Variants in IQSEC3 observed in about 807,000 individuals in gnomAD.
The protein encoded by IQSEC3 is IQ motif and Sec7 domain ArfGEF 3, also known as IQ motif and SEC7 domain-containing protein 3.
In IQSEC3, 50 loss-of-function variants were observed where a neutral mutation model predicts 105.4. The observed-to-expected ratio is 0.47, with a 90% CI of 0.38 to 0.60. IQSEC3 has a LOEUF of 0.60. Ranked by LOEUF, IQSEC3 falls within the 20% of genes least tolerant of loss-of-function variation. IQSEC3 has a pLI of 0.00. For missense variants in IQSEC3, 1,415 were observed against 1,630.0 expected (o/e 0.87, Z 2.27); for synonymous variants, 708 against 746.0 (o/e 0.95, Z 0.83).
chr12:165,624 A>T, intron 10 of IQSEC3, 91 bp downstream of exon 10: 3 of 1,567,748 alleles, frequency 1.9e-6, no homozygotes, highest in Non-Finnish European at 2.6e-6. Context: ...TGGACAGCAG[A>T]GTGGGTGGAG....
chr12:155,319 A>G (rs1329311631), intron 5 of IQSEC3, among the ~76,000 whole-genome samples: 1 of 152,052 alleles, frequency 6.6e-6, no homozygotes, highest in Non-Finnish European at 1.5e-5. Flanking sequence ...CCCCAGCCCC[A>G]CCCTCACCTG....
At chr12:125,000 G>A (rs1865337751) in intron 2 of IQSEC3, among the ~76,000 whole-genome samples, 2 of 152,070 alleles carry the variant, frequency 1.3e-5, no homozygotes, top group African/African-American at 4.8e-5. Flanking sequence ...CCCCACACCT[G>A]GAGTCCACCC....
chr12:84,349 G>A (rs782486416), intron 1 of IQSEC3, among the ~76,000 whole-genome samples: 5 of 152,222 alleles, frequency 3.3e-5, no homozygotes, highest in Non-Finnish European at 7.3e-5. Flanking sequence ...ACATCCCTGC[G>A]TGGCCCATAT....
At chr12:97,585 C>T (rs987855642) in intron 1 of IQSEC3, among the ~76,000 whole-genome samples, 113 of 152,190 alleles carry the variant, frequency 7.4e-4, no homozygotes, top group African/African-American at 2.4e-3. Flanking sequence ...GAGGCCAAGA[C>T]GGGAGGATTG....
chr12:126,906 T>A (rs542183651), intron 3 of IQSEC3, among the ~76,000 whole-genome samples: 1 of 152,220 alleles, frequency 6.6e-6, no homozygotes, highest in Non-Finnish European at 1.5e-5. Context: ...TTGGCATTGA[T>A]GCCAAGCTCA....
chr12:92,747 T>C (rs1356299515), intron 1 of IQSEC3, among the ~76,000 whole-genome samples: 4 of 152,316 alleles, frequency 2.6e-5, no homozygotes, highest in East Asian at 1.9e-4. Flanking sequence ...GCAGAGATGC[T>C]GCATGCCACC....
chr12:94,727 C>T (rs562263340), intron 1 of IQSEC3, among the ~76,000 whole-genome samples: 3 of 152,330 alleles, frequency 2.0e-5, no homozygotes, highest in Non-Finnish European at 2.9e-5. Context: ...TCTGGACAGA[C>T]GAGTGGCTCC....
intron 1 of IQSEC3, among the ~76,000 whole-genome samples, chr12:77,202 G>T (rs1291536436): frequency 2.0e-5 from 3 of 152,384 alleles, no homozygotes; most frequent in African/African-American, 7.2e-5. Flanking sequence ...CGCATGGTAA[G>T]AACCCATCAG....
At chr12:93,933 C>T (rs1269655795) in intron 1 of IQSEC3, among the ~76,000 whole-genome samples, 1 of 152,196 alleles carries the variant, frequency 6.6e-6, no homozygotes, top group African/African-American at 2.4e-5. Context: ...CTTCCCCTTC[C>T]ACTATGAATG....
intron 3 of IQSEC3, among the ~76,000 whole-genome samples, chr12:128,856 C>T (rs1489988414): frequency 2.0e-5 from 3 of 152,164 alleles, no homozygotes; most frequent in Non-Finnish European, 2.9e-5. Flanking sequence ...CGCTGATCCT[C>T]GGGAAAGCCT....
chr12:149,764 G>T (rs961859190), intron 5 of IQSEC3, among the ~76,000 whole-genome samples: 1 of 152,176 alleles, frequency 6.6e-6, no homozygotes, highest in Non-Finnish European at 1.5e-5. Context: ...GAGCTAAACA[G>T]AGACCTGCAG....
intron 10 of IQSEC3, 96 bp downstream of exon 10, chr12:165,629 G>C (rs1867133678): frequency 6.4e-7 from 1 of 1,568,600 alleles, no homozygotes; most frequent in Non-Finnish European, 8.8e-7. Flanking sequence ...AGCAGAGTGG[G>C]TGGAGGCATG....
intron 9 of IQSEC3, among the ~76,000 whole-genome samples, chr12:164,053 C>T (rs1354976132): frequency 2.6e-5 from 4 of 152,204 alleles, no homozygotes; most frequent in Non-Finnish European, 5.9e-5. Context: ...CACACATACA[C>T]ACATCTGTAC....
At chr12:165,961 A>T (rs1867156122) in intron 11 of IQSEC3, 71 bp downstream of exon 11, 1 of 1,548,410 alleles carries the variant, frequency 6.5e-7, no homozygotes, top group African/African-American at 1.4e-5. Flanking sequence ...AGCTTGAGAC[A>T]GACATGCCTG....
intron 7 of IQSEC3, among the ~76,000 whole-genome samples, chr12:161,572 G>A (rs545239079): frequency 2.5e-4 from 38 of 152,242 alleles, no homozygotes; most frequent in South Asian, 6.2e-4. Context: ...GGGGTGAGAC[G>A]AACACAAGGA....
chr12:151,548 C>G (rs2137029985), intron 5 of IQSEC3, among the ~76,000 whole-genome samples: 1 of 152,324 alleles, frequency 6.6e-6, no homozygotes, highest in African/African-American at 2.4e-5. Flanking sequence ...GTCTTCTTCC[C>G]TGCCCCTCTG....
chr12:113,027 C>T (rs1236148438), intron 2 of IQSEC3, among the ~76,000 whole-genome samples: 6 of 152,154 alleles, frequency 3.9e-5, no homozygotes, highest in East Asian at 3.8e-4. Context: ...TCCCTCTTCT[C>T]CATTCGTCTT....
chr12:122,548 G>A (rs146730547), intron 2 of IQSEC3, among the ~76,000 whole-genome samples: 1 of 152,234 alleles, frequency 6.6e-6, no homozygotes, highest in Admixed American at 6.5e-5. Flanking sequence ...CCCAGGAAAG[G>A]GCTGTAGAGG....
At chr12:122,288 A>G (rs1865245269) in intron 2 of IQSEC3, among the ~76,000 whole-genome samples, 1 of 152,202 alleles carries the variant, frequency 6.6e-6, no homozygotes, top group African/African-American at 2.4e-5. Flanking sequence ...CCAAGCAGGA[A>G]GGGTCCCTAG....
Sources: allele counts gnomAD v4.1 joint callset (sites outside exome capture counted in the v4.1 genomes callset), GRCh38; gene constraint gnomAD v4.1.1; transcripts MANE v1.5; gene names NCBI Gene and HGNC (gene_info 2026-07-23, HGNC 2026-07-21).